The following SLC4A7 variants were observed in gnomAD, a reference collection of about 807,000 sequenced individuals.
The protein encoded by SLC4A7 is solute carrier family 4 member 7, also known as sodium bicarbonate cotransporter 3.
In SLC4A7, 51 loss-of-function variants were observed where a neutral mutation model predicts 137.6. The observed-to-expected ratio is 0.37, with a 90% CI of 0.30 to 0.47. The LOEUF is 0.47. Ranked by LOEUF, SLC4A7 falls within the 20% of genes least tolerant of loss-of-function variation. The pLI, the probability that SLC4A7 is intolerant of heterozygous loss-of-function variation, is 1.00. For missense variants in SLC4A7, 1,247 were observed against 1,525.4 expected, an observed-to-expected ratio of 0.82 and a Z score of 3.04; for synonymous variants, 542 against 518.6, an observed-to-expected ratio of 1.05 and a Z score of -0.61.
intron 1 of SLC4A7, among the ~76,000 whole-genome samples, chr3:27,460,067 C>A (rs948288519): frequency 3.3e-5 from 5 of 150,994 alleles, no homozygotes; most frequent in Admixed American, 1.3e-4. Context: ...GACAGGGTCT[C>A]GCTCTGTCGC....
intron 6 of SLC4A7, among the ~76,000 whole-genome samples, chr3:27,432,712 T>C (rs765937389): frequency 6.6e-5 from 10 of 152,124 alleles, no homozygotes; most frequent in Non-Finnish European, 1.0e-4. Context: ...CAAAAGAACA[T>C]GCTAAAATGG....
At chr3:27,438,688 T>C (rs2056954487) in intron 3 of SLC4A7, among the ~76,000 whole-genome samples, 1 of 145,194 alleles carries the variant, frequency 6.9e-6, no homozygotes. Flanking sequence ...TAACACAACA[T>C]AACATAAAAT....
intron 17 of SLC4A7, 89 bp from the exon 18 acceptor site, chr3:27,397,886 C>A (rs2052358307): frequency 8.1e-6 from 6 of 741,372 alleles, no homozygotes; most frequent in Admixed American, 3.0e-5. Context: ...AAAATTGTCA[C>A]TACAACGTAC....
intron 1 of SLC4A7, among the ~76,000 whole-genome samples, chr3:27,480,321 CCTCCCAGG>C (rs1218386452): frequency 6.6e-6 from 1 of 152,178 alleles, no homozygotes; most frequent in Non-Finnish European, 1.5e-5. Context: ...GCAGCCTCAA[CCTCCCAGG>C]CTCAAGTGAT....
Position 27,431,286 on chromosome 3 carries a change from T to C in SLC4A7, c.1150+12A>G, listed in dbSNP as rs2056250988. 6.4e-7 allele frequency: 1 copy of C among 1,558,678 alleles called. No individual in the cohort carries two copies. Among genetic ancestry groups the C allele is most frequent in the Non-Finnish European group, 8.7e-7 (1 of 1,151,524 alleles). The stretch of plus-strand genomic sequence containing the variant: ...CAGAAAGCACCACACATGGAGGATT[T>C]TGGATAGTTGCCTGGAGTTAAGTCA... On this transcript the variant is annotated intron_variant, in intron 7 of 25. Coordinates refer to ENST00000454389, the MANE Select transcript of SLC4A7 (RefSeq NM_001321103.2).
intron 14 of SLC4A7, among the ~76,000 whole-genome samples, chr3:27,403,815 A>G (rs1437681825): frequency 6.6e-6 from 1 of 152,140 alleles, no homozygotes; most frequent in Admixed American, 6.5e-5. Flanking sequence ...CTCCAACATC[A>G]TTACCATCAC....
chr3:27,421,575 A>G, intron 9 of SLC4A7, 47 bp downstream of exon 9: 1 of 1,452,994 alleles, frequency 6.9e-7, no homozygotes, highest in Non-Finnish European at 9.4e-7. Context: ...AAAAACTTGT[A>G]GATTTTGAAA....
At chr3:27,465,742 G>A (rs1343890473) in intron 1 of SLC4A7, among the ~76,000 whole-genome samples, 1 of 151,706 alleles carries the variant, frequency 6.6e-6, no homozygotes, top group Non-Finnish European at 1.5e-5. Flanking sequence ...GACGAATCAC[G>A]AGATCAGGAG....
At chr3:27,377,101 G>A (rs2049968970) in intron 25 of SLC4A7, among the ~76,000 whole-genome samples, 2 of 151,952 alleles carry the variant, frequency 1.3e-5, no homozygotes, top group Admixed American at 6.5e-5. Flanking sequence ...TAAAGAGGGG[G>A]TCCTTAAAAT....
At chr3:27,451,165 A>T (rs1453573837) in intron 2 of SLC4A7, among the ~76,000 whole-genome samples, 2 of 151,842 alleles carry the variant, frequency 1.3e-5, no homozygotes, top group South Asian at 2.1e-4. Flanking sequence ...TTTAGAGTTT[A>T]AAAAAAAGTC....
At chr3:27,481,089 AC>A (rs2059686758) in intron 1 of SLC4A7, among the ~76,000 whole-genome samples, 1 of 152,186 alleles carries the variant, frequency 6.6e-6, no homozygotes, top group African/African-American at 2.4e-5. Flanking sequence ...AAAGTAGATT[AC>A]CTGCTAAAAC....
intron 3 of SLC4A7, among the ~76,000 whole-genome samples, chr3:27,439,666 C>A (rs556699281): frequency 6.6e-6 from 1 of 152,228 alleles, no homozygotes. Context: ...CCTGTATCTG[C>A]GAATAAAGAC....
Position 27,395,109 on chromosome 3 carries a change from G to C in SLC4A7, c.2710C>G (p.His904Asp). 1 of 1,571,518 alleles carries C rather than the reference G, an allele frequency of 6.4e-7. No individual in the cohort carries two copies. The highest frequency in any genetic ancestry group is 8.6e-7 in the Non-Finnish European group (1 of 1,167,734). ...CTTATGATCCACCCTCTCTCTGGAT[G>C]AGTAGGCTGTTAAAAAATTAAATAT... Reference protein sequence around the residue: ...LHVPEKFEPTHPERGWIISPL... With the variant: ...LHVPEKFEPTDPERGWIISPL... Residue 904 changes from histidine to aspartate, a missense_variant, in exon 19 of 26, where the codon CAT becomes GAT. His to Asp is a moderately conservative substitution (Grantham distance 81, BLOSUM62 -1). Transcript: ENST00000454389.
chr3:27,400,652 G>A (rs1011660900), intron 16 of SLC4A7, 112 bp downstream of exon 16: 1 of 641,224 alleles, frequency 1.6e-6, no homozygotes, highest in Admixed American at 3.0e-5. Flanking sequence ...ACTACATTCT[G>A]AAAACATACT....
chr3:27,434,401 A>G (rs978390275), intron 5 of SLC4A7, among the ~76,000 whole-genome samples: 2 of 152,210 alleles, frequency 1.3e-5, no homozygotes, highest in Non-Finnish European at 1.5e-5. Flanking sequence ...TATTAAGCTG[A>G]ATATTCAATA....
rs139702365 is a variant in SLC4A7 at position 27,438,258 on chromosome 3, G to C, written c.290-732C>G. Among the ~76,000 whole-genome samples, 470 of 150,826 alleles carry C rather than the reference G, an allele frequency of 3.1e-3. 3 individuals carry two copies. The highest frequency in any genetic ancestry group is 0.011 in the African/African-American group (456 of 40,964). On this transcript the variant is annotated intron_variant, in intron 3 of 25. Coordinates refer to ENST00000454389, the MANE Select transcript of SLC4A7 (RefSeq NM_001321103.2). The stretch of plus-strand genomic sequence containing the variant: ...ACAGTGGCTCACGCCTGTAATTCCA[G>C]CACTTTGGGAGGCCGAGGCGGTTGG...
chr3:27,463,977 G>A (rs1422114404), intron 1 of SLC4A7, among the ~76,000 whole-genome samples: 1 of 151,864 alleles, frequency 6.6e-6, no homozygotes, highest in African/African-American at 2.4e-5. Context: ...TTGAGCTCAG[G>A]GGTTTGAGAC....
chr3:27,420,952 A>G (rs186321093), intron 9 of SLC4A7, among the ~76,000 whole-genome samples, 165 bp from the exon 10 acceptor site: 182 of 152,150 alleles, frequency 1.2e-3, no homozygotes, highest in Non-Finnish European at 5.9e-4. Context: ...CTCCACCCGG[A>G]CTAAAGGAAA....
intron 1 of SLC4A7, among the ~76,000 whole-genome samples, chr3:27,465,157 G>A (rs2058914344): frequency 6.6e-6 from 1 of 151,444 alleles, no homozygotes. Flanking sequence ...AAATTATCCA[G>A]GCGTGCCTGT....
Sources: allele counts gnomAD v4.1 joint callset (sites outside exome capture counted in the v4.1 genomes callset), GRCh38; gene constraint gnomAD v4.1.1; transcripts MANE v1.5; gene names NCBI Gene and HGNC (gene_info 2026-07-23, HGNC 2026-07-21).